The following RSF1 variants were observed in gnomAD, a reference collection of about 807,000 sequenced individuals.
The protein encoded by RSF1 is remodeling and spacing factor 1, also known as HBV pX-associated protein 8.
Under a neutral mutation model 145.2 loss-of-function variants are expected in RSF1, and 13 were observed. The observed-to-expected ratio is 0.09, with a 90% confidence interval of 0.06 to 0.14. The LOEUF (loss-of-function observed/expected upper bound fraction) is 0.14, where lower values mean the gene tolerates loss of function less well. Among genes scored for constraint, RSF1 ranks in the 10% least tolerant of loss-of-function variants. The pLI, the probability that RSF1 is intolerant of heterozygous loss-of-function variation, is 1.00. For missense variants in RSF1, 1,517 were observed against 1,718.2 expected (o/e 0.88, Z 2.07); for synonymous variants, 577 against 592.6 (o/e 0.97, Z 0.38).
chr11:77,733,229 T>C (rs909051717), intron 4 of RSF1, among the ~76,000 whole-genome samples: 2 of 152,212 alleles, frequency 1.3e-5, no homozygotes, highest in African/African-American at 2.4e-5. Flanking sequence ...CATTTGGTGC[T>C]GTAAGCCATT....
rs76140165 is a variant in RSF1, at chr11:77,781,114, T to A, written c.188-16425A>T. ...GAATGTTTGAATTGTCTTTTTTTTT[T>A]GAGAGAGAGAGAATCTCACTCTGTC... On this transcript the variant is annotated intron_variant, in intron 1 of 15. Coordinates refer to ENST00000308488, the MANE Select transcript of RSF1 (RefSeq NM_016578.4). Among the ~76,000 whole-genome samples, 153 of 151,942 alleles carry A rather than the reference T, an allele frequency of 1.0e-3. No individual in the cohort carries two copies. In the East Asian group the frequency reaches 0.012, roughly 12 times the overall value.
At chr11:77,690,343 C>A (rs1457103780) in intron 9 of RSF1, among the ~76,000 whole-genome samples, 1 of 152,074 alleles carries the variant, frequency 6.6e-6, no homozygotes, top group South Asian at 2.1e-4. Context: ...GAATTACAGA[C>A]CAGTTCTTAT....
chr11:77,684,948 T>C (rs547392383), intron 10 of RSF1, among the ~76,000 whole-genome samples, 157 bp downstream of exon 10: 4 of 152,026 alleles, frequency 2.6e-5, no homozygotes, highest in South Asian at 2.1e-4. Flanking sequence ...GATTGCGCCA[T>C]TGCACTCCAG....
intron 5 of RSF1, among the ~76,000 whole-genome samples, chr11:77,719,846 T>TA (rs1439132442): frequency 2.0e-5 from 3 of 152,180 alleles, no homozygotes; most frequent in Non-Finnish European, 2.9e-5. Flanking sequence ...AGTGTAATGT[T>TA]AAAAAAATTA....
chr11:77,698,785 G>A, intron 6 of RSF1, 92 bp from the exon 7 acceptor site: 1 of 1,057,888 alleles, frequency 9.5e-7, no homozygotes, highest in Admixed American at 2.1e-5. Context: ...ATAATATTCA[G>A]CCAATATACC....
At chr11:77,776,379 T>C (rs1048048660) in intron 1 of RSF1, among the ~76,000 whole-genome samples, 5 of 152,224 alleles carry the variant, frequency 3.3e-5, no homozygotes, top group Non-Finnish European at 7.3e-5. Flanking sequence ...TCCATTTCTT[T>C]GTGAAATTTA....
intron 1 of RSF1, among the ~76,000 whole-genome samples, chr11:77,784,898 T>G (rs1948439311): frequency 6.6e-6 from 1 of 152,238 alleles, no homozygotes; most frequent in Non-Finnish European, 1.5e-5. Flanking sequence ...GACCTAGTCT[T>G]CAGCAAAGAC....
intron 15 of RSF1, among the ~76,000 whole-genome samples, chr11:77,670,315 C>G (rs1959487296): frequency 6.6e-6 from 1 of 152,130 alleles, no homozygotes; most frequent in African/African-American, 2.4e-5. Flanking sequence ...ATTTATTGTT[C>G]CATCTGCCTG....
intron 1 of RSF1, among the ~76,000 whole-genome samples, chr11:77,790,690 G>A (rs1377176024): frequency 6.6e-6 from 1 of 152,136 alleles, no homozygotes; most frequent in Non-Finnish European, 1.5e-5. Flanking sequence ...TTCCAAATGG[G>A]AGACACTGAC....
At chr11:77,730,397 C>T (rs1034937385) in intron 4 of RSF1, among the ~76,000 whole-genome samples, 5 of 152,156 alleles carry the variant, frequency 3.3e-5, no homozygotes, top group African/African-American at 1.2e-4. Flanking sequence ...GTATAATTCA[C>T]ATACTGTAAA....
intron 5 of RSF1, chr11:77,703,362 T>C (rs543892083): frequency 6.6e-6 from 1 of 152,302 alleles, no homozygotes; most frequent in East Asian, 1.9e-4. Flanking sequence ...AATCTCTGAA[T>C]AGGATTATAC....
At chr11:77,774,505 G>C (rs1416992609) in intron 1 of RSF1, among the ~76,000 whole-genome samples, 1 of 151,836 alleles carries the variant, frequency 6.6e-6, no homozygotes, top group African/African-American at 2.4e-5. Flanking sequence ...CCAGGAGGTG[G>C]AGGTTGCAGT....
In RSF1 at chr11:77,666,694, T is replaced by G. The variant is rs762736139; in HGVS notation, c.*223A>C. 2.1e-4 allele frequency: 79 copies of G among 374,596 alleles called. No individual in the cohort carries two copies. Among genetic ancestry groups the G allele is most frequent in the Non-Finnish European group, 3.0e-4 (64 of 210,720 alleles). 23.2% of individuals were successfully genotyped at this position (374,596 alleles called of 1,614,324 possible). A position where few individuals can be genotyped will look rare whatever the true frequency, so the allele number is the denominator to read the frequency against. On this transcript the variant is annotated 3_prime_UTR_variant, in exon 16 of 16. Coordinates refer to ENST00000308488, the MANE Select transcript of RSF1 (RefSeq NM_016578.4). ...CCATGAATGAAATTACCAAGGACCATGAACCTGGAAAAAGAAAATCAAAAG... is the reference window on the plus strand; with the variant it reads ...CCATGAATGAAATTACCAAGGACCAGGAACCTGGAAAAAGAAAATCAAAAG...
At chr11:77,671,150 T>A (rs1352127849) in intron 15 of RSF1, among the ~76,000 whole-genome samples, 25 of 49,134 alleles carry the variant, frequency 5.1e-4, no homozygotes, top group African/African-American at 1.3e-3. Context: ...TATATATATA[T>A]ATATATATAT....
At position 77,701,584 on chromosome 11, in the gene RSF1, C is replaced by G. The variant is rs1960424391; in HGVS notation, c.1645G>C (p.Asp549His). ...TSLDSSEMAK[D>H]LSSKTALSST... The stretch of plus-strand genomic sequence containing the variant: ...GATAAAGCAGTTTTTGAAGAGAGAT[C>G]TTTTGCCATCTCAGAAGAATCAAGA... Residue 549 changes from aspartate (D) to histidine (H), a missense_variant, in exon 6 of 16, where the codon GAT becomes CAT. Physicochemically the swap from Asp to His is moderately conservative, Grantham distance 81. Around this residue, in one of 12 missense-constraint regions of RSF1, gnomAD observed 579 missense variants for 553.5 expected, o/e 1.05. Coordinates refer to ENST00000308488, the MANE Select transcript of RSF1 (RefSeq NM_016578.4). 1.2e-6 allele frequency: 2 copies of G among 1,613,956 alleles called. No individual in the cohort carries two copies. Among genetic ancestry groups the G allele is most frequent in the African/African-American group, 1.3e-5 (1 of 74,892 alleles).
At chr11:77,735,115 G>A (rs1156832439) in intron 4 of RSF1, 14 of 772,250 alleles carry the variant, frequency 1.8e-5, no homozygotes, top group East Asian at 1.6e-4. Flanking sequence ...TGAGGGTGCC[G>A]TGAAGAGGTG....
chr11:77,700,678 T>C lies in RSF1; in HGVS notation c.2508+43A>G, dbSNP rs375162330. The C allele has an allele frequency of 7.8e-6, 11 of 1,415,556 alleles. No individual in the cohort carries two copies. In the African/African-American group the frequency reaches 1.6e-4, roughly 21 times the overall value. The allele number at this position is 1,415,556 out of a possible 1,614,324, so 87.7% of individuals were successfully genotyped here. A position where few individuals can be genotyped will look rare whatever the true frequency, so the allele number is the denominator to read the frequency against. On this transcript the variant is annotated intron_variant, in intron 6 of 15. Transcript: ENST00000308488. ...GACAAAACCAAAAAACCTATTAATA[T>C]ATAGAGACAAATATTTTTAATTAAA...
intron 1 of RSF1, among the ~76,000 whole-genome samples, chr11:77,809,253 T>A (rs904059466): frequency 6.6e-6 from 1 of 152,236 alleles, no homozygotes; most frequent in Non-Finnish European, 1.5e-5. Flanking sequence ...TCTTGGTAGA[T>A]GACTTTATCA....
chr11:77,870,011 CAG>C, the RSF1 span: 1 of 432,042 alleles, frequency 2.3e-6, no homozygotes, highest in Non-Finnish European at 4.2e-6. Flanking sequence ...AACCCTGAGA[CAG>C]TGTCATTTCA....
Sources: gnomAD v4.1 joint callset for allele counts (sites outside exome capture counted in the v4.1 genomes callset) on GRCh38, gnomAD v4.1.1 for gene constraint, gnomAD v4.1.1 regional missense constraint, MANE v1.5 for transcripts, NCBI Gene and HGNC (gene_info 2026-07-23, HGNC 2026-07-21) for gene names.